The following HSF5 variants were observed in gnomAD, a reference collection of about 807,000 sequenced individuals.
HSF5 encodes the protein heat shock factor protein 5.
HSF5 carries 5 observed loss-of-function variants against 50.8 expected under a neutral mutation model. The observed-to-expected ratio is 0.10, with a 90% confidence interval of 0.05 to 0.21. The LOEUF (loss-of-function observed/expected upper bound fraction) is 0.21, where lower values mean the gene tolerates loss of function less well. HSF5 is among the 10% of genes least tolerant of loss of function. The pLI, the probability that HSF5 is intolerant of heterozygous loss-of-function variation, is 1.00. For missense variants in HSF5, 564 were observed against 762.6 expected (o/e 0.74, Z 3.07); for synonymous variants, 307 against 307.4 (o/e 1.00, Z 0.02).
chr17:58,445,064 G>A (rs1173507190), intron 5 of HSF5, among the ~76,000 whole-genome samples: 2 of 152,100 alleles, frequency 1.3e-5, no homozygotes, highest in African/African-American at 4.8e-5. Flanking sequence ...TGCTCACTGA[G>A]ATGGCTACTT....
chr17:58,454,005 A>T (rs913512215), intron 5 of HSF5, among the ~76,000 whole-genome samples: 1 of 152,190 alleles, frequency 6.6e-6, no homozygotes, highest in East Asian at 1.9e-4. Flanking sequence ...GAGGCAGGGG[A>T]ATCACTTGAA....
At chr17:58,431,417 C>T (rs1381383157) in intron 5 of HSF5, among the ~76,000 whole-genome samples, 4 of 152,154 alleles carry the variant, frequency 2.6e-5, no homozygotes, top group Non-Finnish European at 4.4e-5. Flanking sequence ...CATAAAACTA[C>T]AGTGTTACAA....
intron 5 of HSF5, among the ~76,000 whole-genome samples, chr17:58,451,227 C>T (rs553515785): frequency 3.0e-4 from 46 of 152,254 alleles, no homozygotes; most frequent in African/African-American, 1.0e-3. Context: ...AGATCAACTG[C>T]AAAATAATAA....
chr17:58,458,549 C>T (rs1342582992), intron 5 of HSF5, among the ~76,000 whole-genome samples: 1 of 152,030 alleles, frequency 6.6e-6, no homozygotes, highest in Non-Finnish European at 1.5e-5. Flanking sequence ...TTTCAAAGCC[C>T]AAATCATTAT....
In HSF5 at chr17:58,487,707, C is replaced by A; in HGVS notation, c.550+18G>T. 7.3e-7 allele frequency: 1 copy of A among 1,378,988 alleles called. No homozygotes were observed. The highest frequency in any genetic ancestry group is 1.5e-5 in the African/African-American group (1 of 66,224). 85.4% of individuals were successfully genotyped at this position (1,378,988 alleles called of 1,614,324 possible). On this transcript the variant is annotated intron_variant, in intron 1 of 5. Coordinates refer to ENST00000323777, the MANE Select transcript of HSF5 (RefSeq NM_001080439.3). ...CATGTGCCCACTGTGGGCGAGGGCA[C>A]GGGCAGTCCGGACTCACCGTGCGGC... is the stretch of plus-strand genomic sequence containing the variant.
chr17:58,487,232 G>A (rs1975197118), intron 1 of HSF5, among the ~76,000 whole-genome samples: 1 of 152,144 alleles, frequency 6.6e-6, no homozygotes, highest in African/African-American at 2.4e-5. Flanking sequence ...TCTTGACTAC[G>A]ATTTTGTTCC....
chr17:58,462,584 T>A (rs1057412266), intron 4 of HSF5, among the ~76,000 whole-genome samples, 198 bp downstream of exon 4: 7 of 152,128 alleles, frequency 4.6e-5, no homozygotes, highest in Non-Finnish European at 1.0e-4. Flanking sequence ...CATAATATAG[T>A]GAGATGATGC....
chr17:58,487,640 G>C (rs961547070), intron 1 of HSF5, 85 bp downstream of exon 1: 2 of 1,337,496 alleles, frequency 1.5e-6, no homozygotes, highest in Non-Finnish European at 1.9e-6. Context: ...GCGTGAGGAC[G>C]TGCGAAAATG....
At chr17:58,449,892 G>A (rs1468584122) in intron 5 of HSF5, among the ~76,000 whole-genome samples, 3 of 146,492 alleles carry the variant, frequency 2.0e-5, no homozygotes, top group East Asian at 2.0e-4. Flanking sequence ...GCGTAGTGGC[G>A]GGCGCCTGTA....
At chr17:58,452,372 G>A (rs2143765642) in intron 5 of HSF5, among the ~76,000 whole-genome samples, 1 of 152,322 alleles carries the variant, frequency 6.6e-6, no homozygotes, top group Middle Eastern at 3.4e-3. Context: ...AGACTACTAT[G>A]AACAACTACA....
intron 2 of HSF5, among the ~76,000 whole-genome samples, chr17:58,473,734 T>A (rs1046231788): frequency 6.6e-6 from 1 of 152,150 alleles, no homozygotes; most frequent in Non-Finnish European, 1.5e-5. Flanking sequence ...ATTTTATGAG[T>A]TAGTCTGATG....
rs1567907653 is a variant in HSF5, at chr17:58,440,089, ATTCTT to A, written c.1721-17664_1721-17660del. Among the ~76,000 whole-genome samples the A allele has an allele frequency of 2.0e-5, 3 of 152,328 alleles. No individual in the cohort carries two copies. In the South Asian group the frequency reaches 6.2e-4, roughly 32 times the overall value. The stretch of plus-strand genomic sequence containing the variant: ...AACCTGGACAGATGATAGAAACAAT[ATTCTT>A]TAAAAGTCTCAAAAGGTAATGAGAT... On this transcript the variant is annotated intron_variant, in intron 5 of 5. Coordinates refer to ENST00000323777, the MANE Select transcript of HSF5 (RefSeq NM_001080439.3).
intron 4 of HSF5, among the ~76,000 whole-genome samples, chr17:58,460,682 T>C (rs937245476): frequency 3.3e-5 from 5 of 150,166 alleles, no homozygotes; most frequent in African/African-American, 4.9e-5. Context: ...GCTAATTTTT[T>C]GTATTTTTAG....
chr17:58,459,880 T>C (rs1256663919), intron 4 of HSF5, among the ~76,000 whole-genome samples: 2 of 152,148 alleles, frequency 1.3e-5, no homozygotes, highest in African/African-American at 2.4e-5. Context: ...GGAATGGCCA[T>C]AGGCATGATC....
chr17:58,471,102 T>A (rs999023660), intron 2 of HSF5, among the ~76,000 whole-genome samples: 1 of 151,962 alleles, frequency 6.6e-6, no homozygotes, highest in East Asian at 1.9e-4. Context: ...AGGTACAGAG[T>A]TTCGGTTGGG....
intron 5 of HSF5, among the ~76,000 whole-genome samples, chr17:58,442,277 A>T (rs376462193): frequency 1.3e-5 from 2 of 152,218 alleles, no homozygotes; most frequent in South Asian, 4.1e-4. Context: ...CCCTAAAATT[A>T]ATTGGCTGTG....
chr17:58,435,320 G>A (rs1049298465), intron 5 of HSF5, among the ~76,000 whole-genome samples: 1 of 151,984 alleles, frequency 6.6e-6, no homozygotes, highest in African/African-American at 2.4e-5. Flanking sequence ...AGGCCAAGGT[G>A]GGTAGATCAC....
chr17:58,478,547 C>T (rs1417668498), intron 2 of HSF5, among the ~76,000 whole-genome samples: 1 of 145,366 alleles, frequency 6.9e-6, no homozygotes, highest in Admixed American at 6.9e-5. Context: ...GATTATATTG[C>T]AAAAAGTTTT....
chr17:58,463,531 C>G (rs567296961), intron 3 of HSF5, among the ~76,000 whole-genome samples: 1 of 152,276 alleles, frequency 6.6e-6, no homozygotes, highest in African/African-American at 2.4e-5. Flanking sequence ...GTTTAATACT[C>G]CAATGGTCAA....
Sources: gnomAD v4.1 joint callset for allele counts (sites outside exome capture counted in the v4.1 genomes callset) on GRCh38, gnomAD v4.1.1 for gene constraint, MANE v1.5 for transcripts, NCBI Gene and HGNC (gene_info 2026-07-23, HGNC 2026-07-21) for gene names.